Variants in SPRY3 observed in about 807,000 individuals in gnomAD.
The protein encoded by SPRY3 is protein sprouty homolog 3.
SPRY3 carries 15 observed loss-of-function variants against 20.2 expected under a neutral mutation model. That is an observed-to-expected ratio of 0.74 (90% CI 0.50 to 1.14). The LOEUF (loss-of-function observed/expected upper bound fraction) is 1.14. Among genes scored for constraint, SPRY3 ranks in the 50% most tolerant of loss-of-function variants. The pLI, the probability that SPRY3 is intolerant of heterozygous loss-of-function variation, is 0.00. For synonymous variants in SPRY3, 143 were observed against 136.5 expected (o/e 1.05, Z -0.33); for missense variants, 364 against 363.9 (o/e 1.00, Z 0.00).
At chrX:155,622,052 ACAGGCTT>A (rs2067873092) in intron 1 of SPRY3, among the ~76,000 whole-genome samples, 1 of 111,761 alleles carries the variant, frequency 8.9e-6, no homozygotes, top group Admixed American at 9.5e-5. Context: ...ATTAAGGTCA[ACAGGCTT>A]CATGTAGAAG....
chrX:155,625,188 T>C (rs2067884397), intron 1 of SPRY3, among the ~76,000 whole-genome samples: 1 of 111,629 alleles, frequency 9.0e-6, no homozygotes, highest in African/African-American at 3.2e-5. Context: ...TATGTATACA[T>C]TGTAGAAAGA....
At chrX:155,656,478 C>T (rs887913666) in intron 1 of SPRY3, among the ~76,000 whole-genome samples, 12 of 110,785 alleles carry the variant, frequency 1.1e-4, no homozygotes, top group African/African-American at 3.9e-4. Flanking sequence ...ACTGGTTATT[C>T]TAGTTAGCAG....
chrX:155,692,823 G>A (rs755302657), intron 2 of SPRY3, among the ~76,000 whole-genome samples: 8 of 111,262 alleles, frequency 7.2e-5, no homozygotes, highest in East Asian at 5.6e-4. Flanking sequence ...ACATAAAATC[G>A]TTCACAATAC....
intron 2 of SPRY3, among the ~76,000 whole-genome samples, chrX:155,745,654 A>G (rs2091222051): frequency 6.6e-6 from 1 of 152,138 alleles, no homozygotes; most frequent in Non-Finnish European, 1.5e-5. Flanking sequence ...CAATTTCTTT[A>G]ACCTCATACA....
At chrX:155,687,756 T>A (rs1430297916) in intron 2 of SPRY3, among the ~76,000 whole-genome samples, 1 of 112,245 alleles carries the variant, frequency 8.9e-6, no homozygotes, top group East Asian at 2.8e-4. Context: ...ATCAGAATAG[T>A]GTACTTGAGT....
intron 1 of SPRY3, among the ~76,000 whole-genome samples, chrX:155,647,984 A>G (rs1238117035): frequency 9.0e-6 from 1 of 111,519 alleles, no homozygotes; most frequent in Non-Finnish European, 1.9e-5. Context: ...CTGACTTTTT[A>G]ATGATCGCCA....
At chrX:155,692,950 T>C (rs2068107954) in intron 2 of SPRY3, among the ~76,000 whole-genome samples, 1 of 111,423 alleles carries the variant, frequency 9.0e-6, no homozygotes, top group African/African-American at 3.2e-5. Flanking sequence ...TTTGTTGATT[T>C]TGATCTTTAG....
intron 2 of SPRY3, among the ~76,000 whole-genome samples, chrX:155,738,618 G>A (rs942992083): frequency 1.3e-5 from 2 of 152,088 alleles, no homozygotes; most frequent in African/African-American, 2.4e-5. Context: ...GTGGTACAGA[G>A]CCAGGACAGC....
intron 2 of SPRY3, among the ~76,000 whole-genome samples, chrX:155,698,624 G>A (rs1368256195): frequency 8.9e-6 from 1 of 111,858 alleles, no homozygotes; most frequent in Non-Finnish European, 1.9e-5. Context: ...TGACCAAGAT[G>A]GTTGAGAATG....
chrX:155,681,153 ATGT>A (rs1165769303), intron 2 of SPRY3, among the ~76,000 whole-genome samples: 2 of 111,319 alleles, frequency 1.8e-5, no homozygotes, highest in Non-Finnish European at 3.8e-5. Flanking sequence ...TAATTTCTAC[ATGT>A]TGTGGGAGGG....
chrX:155,705,979 C>A (rs1272224637), intron 2 of SPRY3, among the ~76,000 whole-genome samples: 1 of 151,176 alleles, frequency 6.6e-6, no homozygotes, highest in East Asian at 1.9e-4. Context: ...AGAAAATTAA[C>A]AAGGATATAG....
chrX:155,720,538 AGTG>A (rs1466396806), intron 2 of SPRY3, among the ~76,000 whole-genome samples: 1 of 152,186 alleles, frequency 6.6e-6, no homozygotes, highest in Non-Finnish European at 1.5e-5. Flanking sequence ...GTGCAGTCAC[AGTG>A]GTGGTGACCA....
chrX:155,747,138 T>G (rs1250301190), intron 2 of SPRY3, among the ~76,000 whole-genome samples: 1 of 151,932 alleles, frequency 6.6e-6, no homozygotes, highest in Non-Finnish European at 1.5e-5. Flanking sequence ...TTAATTTTCC[T>G]TCCTTTGATG....
At chrX:155,757,380 A>G (rs1196635869) in intron 2 of SPRY3, among the ~76,000 whole-genome samples, 1 of 152,126 alleles carries the variant, frequency 6.6e-6, no homozygotes, top group East Asian at 1.9e-4. Context: ...ACTCACCTCA[A>G]ATGTCACTTA....
intron 3 of SPRY3, among the ~76,000 whole-genome samples, chrX:155,772,790 A>G (rs1250497003): frequency 6.6e-6 from 1 of 152,112 alleles, no homozygotes; most frequent in African/African-American, 2.4e-5. Flanking sequence ...CTTAGCTTAA[A>G]TATGGTATAA....
At chrX:155,629,512 G>T (rs2067899390) in intron 1 of SPRY3, among the ~76,000 whole-genome samples, 1 of 111,348 alleles carries the variant, frequency 9.0e-6, no homozygotes, top group Non-Finnish European at 1.9e-5. Flanking sequence ...AATCCTTTGG[G>T]TGTATACCCA....
intron 2 of SPRY3, among the ~76,000 whole-genome samples, chrX:155,760,492 A>C (rs765666794): frequency 6.6e-6 from 1 of 152,312 alleles, no homozygotes; most frequent in Admixed American, 6.5e-5. Flanking sequence ...CTTTTTCAGC[A>C]GAGATAATTC....
At chrX:155,707,653 A>ATT (rs1488135558) in intron 2 of SPRY3, among the ~76,000 whole-genome samples, 1 of 151,154 alleles carries the variant, frequency 6.6e-6, no homozygotes, top group African/African-American at 2.4e-5. Flanking sequence ...ATTGTTACAT[A>ATT]TTTATGATTA....
chrX:155,739,403 T>G (rs2091190660), intron 2 of SPRY3, among the ~76,000 whole-genome samples: 1 of 152,100 alleles, frequency 6.6e-6, no homozygotes, highest in Admixed American at 6.5e-5. Flanking sequence ...AGAGTCTGGG[T>G]GGTTTGGACG....
Sources: gnomAD v4.1 joint callset for allele counts (sites outside exome capture counted in the v4.1 genomes callset) on GRCh38, gnomAD v4.1.1 for gene constraint, MANE v1.5 for transcripts, NCBI Gene and HGNC (gene_info 2026-07-23, HGNC 2026-07-21) for gene names.